The following ANOS1 variants were observed in gnomAD, a reference collection of about 807,000 sequenced individuals.
ANOS1 encodes anosmin 1, also known as anosmin-1.
Under a neutral mutation model 59.0 loss-of-function variants are expected in ANOS1, and 6 were observed. That is an observed-to-expected ratio of 0.10 (90% CI 0.06 to 0.20). The LOEUF (loss-of-function observed/expected upper bound fraction) is 0.20, where lower values mean the gene tolerates loss of function less well. Among genes scored for constraint, ANOS1 ranks in the 10% least tolerant of loss-of-function variants. ANOS1 has a pLI of 1.00. For missense variants in ANOS1, 433 were observed against 542.3 expected (o/e 0.80, Z 2.00); for synonymous variants, 217 against 223.4 (o/e 0.97, Z 0.25).
intron 2 of ANOS1, among the ~76,000 whole-genome samples, chrX:8,643,955 A>G (rs138549571): frequency 0.032 from 3,509 of 108,679 alleles, 94 homozygotes; most frequent in African/African-American, 0.09. Context: ...GAACCAAACC[A>G]ATGTCTTTCT....
Position 8,535,388 on chromosome X carries a change from T to C in ANOS1, c.1842+203A>G, listed in dbSNP as rs750631848. ...CTCTAGCCATCAAACTTTATCTAGA[T>C]GGCAGCTTATGCTACTTCTTAGCTA... On this transcript the variant is annotated intron_variant, in intron 12 of 13. Transcript: ENST00000262648. The C allele has an allele frequency of 1.3e-5, 6 of 448,362 alleles. No homozygotes were observed. In the East Asian group the frequency reaches 1.9e-4, roughly 14 times the overall value. The allele number at this position is 448,362 out of a possible 1,213,427, so 37.0% of individuals were successfully genotyped here.
At chrX:8,611,534 T>C (rs1931058298) in intron 3 of ANOS1, among the ~76,000 whole-genome samples, 1 of 111,300 alleles carries the variant, frequency 9.0e-6, no homozygotes, top group Non-Finnish European at 1.9e-5. Context: ...TAACTCAAAG[T>C]ATACTTAACC....
chrX:8,654,142 CTTCG>C (rs1435360267), intron 2 of ANOS1, among the ~76,000 whole-genome samples: 1 of 111,799 alleles, frequency 8.9e-6, no homozygotes, highest in African/African-American at 3.3e-5. Context: ...CTGACACTGC[CTTCG>C]TTAAACCTGT....
intron 2 of ANOS1, among the ~76,000 whole-genome samples, chrX:8,664,981 G>T (rs968911443): frequency 5.4e-5 from 6 of 111,740 alleles, no homozygotes; most frequent in African/African-American, 2.0e-4. Flanking sequence ...CACTGTATAA[G>T]CAGGCACACA....
intron 1 of ANOS1, among the ~76,000 whole-genome samples, chrX:8,708,498 C>G (rs747401494): frequency 1.8e-5 from 2 of 111,807 alleles, no homozygotes; most frequent in African/African-American, 6.5e-5. Flanking sequence ...ATGTGGCCAA[C>G]AAACATATGA....
chrX:8,549,949 T>C (rs1048921856), intron 9 of ANOS1, among the ~76,000 whole-genome samples: 9 of 112,091 alleles, frequency 8.0e-5, no homozygotes. Flanking sequence ...TTAAACATCA[T>C]GCCTAATAGT....
At position 8,590,558 on chromosome X, in the gene ANOS1, C is replaced by T. The variant is rs772579808; in HGVS notation, c.542-2580G>A. Among the ~76,000 whole-genome samples the T allele has an allele frequency of 3.6e-5, 4 of 111,873 alleles. No individual in the cohort carries two copies. The South Asian group carries it at 1.5e-3, about 42-fold the overall frequency. On this transcript the variant is annotated intron_variant, in intron 4 of 13. Coordinates refer to ENST00000262648, the MANE Select transcript of ANOS1 (RefSeq NM_000216.4). ...ACATGCATTTAACTGCCTCTTGCTG[C>T]AGCAAATTCATTTAATGATGCCTGT... is the stretch of plus-strand genomic sequence containing the variant.
intron 2 of ANOS1, among the ~76,000 whole-genome samples, chrX:8,696,055 G>A (rs1167415008): frequency 8.9e-6 from 1 of 111,856 alleles, no homozygotes; most frequent in Non-Finnish European, 1.9e-5. Flanking sequence ...AGATAGAAAG[G>A]TATTTCCTCT....
intron 2 of ANOS1, among the ~76,000 whole-genome samples, chrX:8,652,506 A>G (rs746606920): frequency 1.8e-5 from 2 of 112,358 alleles, no homozygotes; most frequent in East Asian, 2.8e-4. Context: ...CAGGAAAAGA[A>G]GAACTTGATC....
At chrX:8,635,544 A>C (rs1931558977) in intron 2 of ANOS1, among the ~76,000 whole-genome samples, 1 of 111,514 alleles carries the variant, frequency 9.0e-6, no homozygotes, top group African/African-American at 3.3e-5. Context: ...ACACAAAAAA[A>C]CTCACCCTCA....
intron 4 of ANOS1, among the ~76,000 whole-genome samples, 169 bp downstream of exon 4, chrX:8,596,865 T>C (rs1370731634): frequency 8.9e-6 from 1 of 112,192 alleles, no homozygotes; most frequent in Admixed American, 9.4e-5. Flanking sequence ...ATGGCTAATC[T>C]TTATGGGTCT....
intron 2 of ANOS1, among the ~76,000 whole-genome samples, chrX:8,630,563 C>T (rs1376982823): frequency 1.8e-5 from 2 of 112,258 alleles, no homozygotes; most frequent in Non-Finnish European, 3.8e-5. Flanking sequence ...AGAAGGGTGA[C>T]TGTGACTAGA....
chrX:8,550,112 G>T (rs1929832376), intron 9 of ANOS1, among the ~76,000 whole-genome samples: 1 of 111,721 alleles, frequency 9.0e-6, no homozygotes. Context: ...CAAATCATCA[G>T]AGAAAATGTT....
rs1041595265 is a variant in ANOS1 at position 8,710,267 on chromosome X, C to T, written c.208-10522G>A. On this transcript the variant is annotated intron_variant, in intron 1 of 13. Transcript: ENST00000262648. ...AAATTTATGAGGGCTTTTGAAATTCCGATTTTATAGTTAACCACATGAGCC... is the reference window on the plus strand; with the variant it reads ...AAATTTATGAGGGCTTTTGAAATTCTGATTTTATAGTTAACCACATGAGCC... Among the ~76,000 whole-genome samples, 26 of 111,712 alleles carry T rather than the reference C, an allele frequency of 2.3e-4. No individual in the cohort carries two copies. The East Asian group carries it at 4.0e-3, about 17-fold the overall frequency.
Position 8,528,948 on chromosome X carries a change from C to T in ANOS1, c.*4047G>A, listed in dbSNP as rs1425232093. On this transcript the variant is annotated 3_prime_UTR_variant, in exon 14 of 14. Transcript: ENST00000262648. ...ATGAAAATAATGAGTCACAGAATAT[C>T]AAGACTATTTACAATACTTTTTTGT... The T allele has an allele frequency of 1.2e-4, 13 of 111,975 alleles. No individual in the cohort carries two copies. Among genetic ancestry groups the T allele is most frequent in the Admixed American group, 1.1e-3 (12 of 10,516 alleles). 9.2% of individuals were successfully genotyped at this position (111,975 alleles called of 1,213,427 possible). A position where few individuals can be genotyped will look rare whatever the true frequency, so the allele number is the denominator to read the frequency against.
intron 1 of ANOS1, among the ~76,000 whole-genome samples, chrX:8,725,693 T>C (rs199879453): frequency 6.1e-5 from 3 of 49,353 alleles, no homozygotes; most frequent in African/African-American, 2.2e-4. Context: ...TATATATATA[T>C]ACAGATATAT....
chrX:8,638,038 CAG>C (rs934238207), intron 2 of ANOS1, among the ~76,000 whole-genome samples: 4 of 111,676 alleles, frequency 3.6e-5, no homozygotes, highest in African/African-American at 1.3e-4. Flanking sequence ...ATTGTTACTC[CAG>C]AGAGGGCTCA....
intron 2 of ANOS1, among the ~76,000 whole-genome samples, chrX:8,668,883 G>C (rs950946988): frequency 1.8e-5 from 2 of 111,317 alleles, no homozygotes; most frequent in South Asian, 7.5e-4. Context: ...TGAGTCAAAA[G>C]GTTTGGGATG....
chrX:8,654,119 C>T (rs748149746), intron 2 of ANOS1, among the ~76,000 whole-genome samples: 1 of 111,708 alleles, frequency 9.0e-6, no homozygotes, highest in African/African-American at 3.3e-5. Flanking sequence ...GCCATCCAGC[C>T]CCAGGGCTAG....
Sources: gnomAD v4.1 joint callset for allele counts (sites outside exome capture counted in the v4.1 genomes callset) on GRCh38, gnomAD v4.1.1 for gene constraint, MANE v1.5 for transcripts, NCBI Gene and HGNC (gene_info 2026-07-23, HGNC 2026-07-21) for gene names.